The following TAFA1 variants were observed in gnomAD, a reference collection of about 807,000 sequenced individuals.
The protein encoded by TAFA1 is TAFA chemokine like family member 1.
A neutral mutation model predicts 18.5 loss-of-function variants in TAFA1; 4 were observed. That is an observed-to-expected ratio of 0.22 (90% CI 0.11 to 0.49). The LOEUF (loss-of-function observed/expected upper bound fraction) is 0.49. Ranked by LOEUF, TAFA1 falls within the 20% of genes least tolerant of loss-of-function variation. TAFA1 has a pLI of 0.98. For synonymous variants in TAFA1, 56 were observed against 55.2 expected (o/e 1.01, Z -0.06); for missense variants, 147 against 169.0 (o/e 0.87, Z 0.72).
chr3:68,393,465 C>G (rs1026551600), intron 2 of TAFA1, among the ~76,000 whole-genome samples: 1 of 151,456 alleles, frequency 6.6e-6, no homozygotes. Context: ...CCTTCAAAAA[C>G]TATTTCAAAC....
chr3:68,295,947 T>C (rs1341070666), intron 2 of TAFA1, among the ~76,000 whole-genome samples: 4 of 152,212 alleles, frequency 2.6e-5, no homozygotes, highest in African/African-American at 9.6e-5. Flanking sequence ...GAAAGATATG[T>C]ATTATTTTTG....
At chr3:68,487,143 A>G (rs570979655) in intron 3 of TAFA1, among the ~76,000 whole-genome samples, 1 of 152,340 alleles carries the variant, frequency 6.6e-6, no homozygotes, top group South Asian at 2.1e-4. Context: ...ATAAGAGAGA[A>G]TGTCAATTGT....
chr3:68,120,937 G>A lies in TAFA1; in HGVS notation c.118+114193G>A, dbSNP rs572884338. Among the ~76,000 whole-genome samples, 10 of 152,294 alleles carry A rather than the reference G, an allele frequency of 6.6e-5. No individual in the cohort carries two copies. The East Asian group carries it at 1.5e-3, about 23-fold the overall frequency. ...CCAGTTTTTATGGACACATACCTGA[G>A]GAGGCTAATTAAAGACCATTTAAGA... On this transcript the variant is annotated intron_variant, in intron 2 of 4. Coordinates refer to ENST00000478136, the MANE Select transcript of TAFA1 (RefSeq NM_213609.4).
chr3:68,221,915 G>T (rs1193703068), intron 2 of TAFA1, among the ~76,000 whole-genome samples: 1 of 152,132 alleles, frequency 6.6e-6, no homozygotes, highest in African/African-American at 2.4e-5. Flanking sequence ...GAAAATCCAT[G>T]GTGTATTTGT....
chr3:68,024,135 C>G (rs982479626), intron 2 of TAFA1, among the ~76,000 whole-genome samples: 2 of 152,024 alleles, frequency 1.3e-5, no homozygotes, highest in East Asian at 3.8e-4. Flanking sequence ...TTATATTATC[C>G]TAAGTATTTT....
At chr3:68,395,693 A>T (rs374520343) in intron 2 of TAFA1, among the ~76,000 whole-genome samples, 1 of 152,192 alleles carries the variant, frequency 6.6e-6, no homozygotes, top group South Asian at 2.1e-4. Context: ...ATTCTCAGCA[A>T]ACTAACACAG....
intron 2 of TAFA1, among the ~76,000 whole-genome samples, chr3:68,132,603 G>A (rs1279144240): frequency 1.3e-5 from 2 of 152,134 alleles, no homozygotes; most frequent in Non-Finnish European, 2.9e-5. Context: ...CTGTGGTTTT[G>A]ATTTACATTT....
At chr3:68,142,268 A>C (rs1238586127) in intron 2 of TAFA1, among the ~76,000 whole-genome samples, 1 of 152,240 alleles carries the variant, frequency 6.6e-6, no homozygotes, top group Non-Finnish European at 1.5e-5. Flanking sequence ...ATATGGGAAA[A>C]GTGAAACTTG....
rs578078351 is a variant in TAFA1, at chr3:68,108,685, T to C, written c.118+101941T>C. Among the ~76,000 whole-genome samples, 3 of 152,208 alleles carry C rather than the reference T, an allele frequency of 2.0e-5. No individual in the cohort carries two copies. In the East Asian group the frequency reaches 5.8e-4, roughly 29 times the overall value. ...GTAATTTTTAACATCTGGAGAATAC[T>C]GTCATTGCTGATTAGATGAAGGTAT... On this transcript the variant is annotated intron_variant, in intron 2 of 4. Coordinates refer to ENST00000478136, the MANE Select transcript of TAFA1 (RefSeq NM_213609.4).
intron 3 of TAFA1, among the ~76,000 whole-genome samples, chr3:68,506,964 G>A (rs534763003): frequency 2.1e-4 from 32 of 152,220 alleles, no homozygotes; most frequent in African/African-American, 7.0e-4. Context: ...CTCACGCAAA[G>A]CCTGTGATGC....
At chr3:68,483,195 C>T (rs1559688120) in intron 3 of TAFA1, among the ~76,000 whole-genome samples, 1 of 152,114 alleles carries the variant, frequency 6.6e-6, no homozygotes, top group Non-Finnish European at 1.5e-5. Flanking sequence ...ACAGAGAAGG[C>T]CCAACTCATA....
chr3:68,009,807 G>T (rs1334617673), intron 2 of TAFA1, among the ~76,000 whole-genome samples: 5 of 152,038 alleles, frequency 3.3e-5, no homozygotes, highest in Non-Finnish European at 7.4e-5. Flanking sequence ...GAGTTGTGAC[G>T]TTTTCCCTTG....
At position 68,410,554 on chromosome 3, in the gene TAFA1, C is replaced by T. The variant is rs1465265238; in HGVS notation, c.119-6726C>T. On this transcript the variant is annotated intron_variant, in intron 2 of 4. Transcript: ENST00000478136. Reference sequence around the variant, plus strand: ...ATTAACTGATAACAGAAACAATAATCTGGAAAATCTGAGTAGTACAAACAA... The same window carrying T: ...ATTAACTGATAACAGAAACAATAATTTGGAAAATCTGAGTAGTACAAACAA... Among the ~76,000 whole-genome samples the T allele has an allele frequency of 4.6e-5, 7 of 151,816 alleles. No individual in the cohort carries two copies. The East Asian group carries it at 1.4e-3, about 29-fold the overall frequency.
chr3:68,218,415 C>G (rs998933244), intron 2 of TAFA1, among the ~76,000 whole-genome samples: 1 of 151,952 alleles, frequency 6.6e-6, no homozygotes, highest in African/African-American at 2.4e-5. Context: ...TCATGATAAT[C>G]CAGATTTCTG....
chr3:68,012,045 T>G (rs770597778), intron 2 of TAFA1, among the ~76,000 whole-genome samples: 8 of 152,192 alleles, frequency 5.3e-5, no homozygotes, highest in Non-Finnish European at 1.0e-4. Context: ...AAAAATGAAG[T>G]TTAGCCTTTA....
chr3:68,070,959 G>C (rs1334526805), intron 2 of TAFA1, among the ~76,000 whole-genome samples: 2 of 152,190 alleles, frequency 1.3e-5, no homozygotes, highest in African/African-American at 4.8e-5. Context: ...TCTCTAGGGA[G>C]TTCCAAACTT....
At chr3:68,291,178 G>T (rs1310009222) in intron 2 of TAFA1, among the ~76,000 whole-genome samples, 1 of 152,094 alleles carries the variant, frequency 6.6e-6, no homozygotes, top group African/African-American at 2.4e-5. Context: ...TATAGGTGTT[G>T]AATCGAAATA....
intron 2 of TAFA1, among the ~76,000 whole-genome samples, chr3:68,115,770 T>C (rs1336234195): frequency 1.3e-5 from 2 of 152,154 alleles, no homozygotes; most frequent in African/African-American, 4.8e-5. Context: ...CCCCATCCTA[T>C]TTTTTTGTGT....
In TAFA1 at chr3:68,214,669, G is replaced by A. The variant is rs542453922; in HGVS notation, c.119-202611G>A. Among the ~76,000 whole-genome samples, 11 of 152,078 alleles carry A rather than the reference G, an allele frequency of 7.2e-5. No individual in the cohort carries two copies. In the South Asian group the frequency reaches 2.3e-3, roughly 32 times the overall value. On this transcript the variant is annotated intron_variant, in intron 2 of 4. Transcript: ENST00000478136. ...TAATAATAATAAATGAGGTTAAGTA[G>A]GATATTATGTGCTAAATTCTTGATT...
Sources: allele counts gnomAD v4.1 joint callset (sites outside exome capture counted in the v4.1 genomes callset), GRCh38; gene constraint gnomAD v4.1.1; transcripts MANE v1.5; gene names NCBI Gene and HGNC (gene_info 2026-07-23, HGNC 2026-07-21).